Variants in DENND1A observed in about 807,000 individuals in gnomAD.
The protein encoded by DENND1A is DENN domain containing 1A.
Under a neutral mutation model 113.7 loss-of-function variants are expected in DENND1A, and 51 were observed. The observed-to-expected ratio is 0.45, with a 90% confidence interval of 0.36 to 0.57. DENND1A has a LOEUF of 0.57. Among genes scored for constraint, DENND1A ranks in the 20% least tolerant of loss-of-function variants. DENND1A has a pLI of 0.00. For missense variants in DENND1A, 1,258 were observed against 1,395.9 expected (o/e 0.90, Z 1.57); for synonymous variants, 565 against 570.8 (o/e 0.99, Z 0.14).
intron 13 of DENND1A, chr9:123,485,656 GCACACACACACACACACACACA>G (rs77062893): frequency 2.5e-4 from 35 of 141,242 alleles, no homozygotes; most frequent in African/African-American, 9.8e-4. Flanking sequence ...GCGCGCGCGC[GCACACACACACACACACACACA>G]CACACACACA....
At chr9:123,426,802 C>A (rs2045767722) in intron 19 of DENND1A, among the ~76,000 whole-genome samples, 1 of 152,186 alleles carries the variant, frequency 6.6e-6, no homozygotes, top group South Asian at 2.1e-4. Flanking sequence ...AGTGGGGACG[C>A]CTGGACCAGG....
At position 123,387,777 on chromosome 9, in the gene DENND1A, C is replaced by G. The variant is rs367855684; in HGVS notation, c.1713G>C (p.Pro571=). Residue 571 remains proline (P), a synonymous_variant, in exon 22 of 24, where the codon CCG becomes CCC. Coordinates refer to ENST00000394215, the MANE Select transcript of DENND1A (RefSeq NM_001352964.2). Reference sequence around the variant, plus strand: ...AAAAGCTCTCGGTGAAGCCAGAGCTCGGGCCCTCTTCCCGCTGGCATTCAT... The same window carrying G: ...AAAAGCTCTCGGTGAAGCCAGAGCTGGGGCCCTCTTCCCGCTGGCATTCAT... ...SDDECQREEG[P]SSGFTESFFF... 1 of 1,289,218 alleles carries G rather than the reference C, an allele frequency of 7.8e-7. No homozygotes were observed. Among genetic ancestry groups the G allele is most frequent in the African/African-American group, 1.5e-5 (1 of 65,678 alleles). 79.9% of individuals were successfully genotyped at this position (1,289,218 alleles called of 1,614,324 possible).
In DENND1A at chr9:123,865,660, GCTTAATT is replaced by G. The variant is rs1307054084; in HGVS notation, c.88+13284_88+13290del. ...AGAGAAACTCTGTGCCATGCCCTGT[GCTTAATT>G]CTTTAAATACTGTGTTTCTGAATCC... On this transcript the variant is annotated intron_variant, in intron 2 of 23. Coordinates refer to ENST00000394215, the MANE Select transcript of DENND1A (RefSeq NM_001352964.2). Among the ~76,000 whole-genome samples, 6 of 152,292 alleles carry G rather than the reference GCTTAATT, an allele frequency of 3.9e-5. No individual in the cohort carries two copies. In the East Asian group the frequency reaches 1.2e-3, roughly 29 times the overall value.
At chr9:123,607,229 T>C (rs1305389254) in intron 11 of DENND1A, among the ~76,000 whole-genome samples, 1 of 151,916 alleles carries the variant, frequency 6.6e-6, no homozygotes, top group Non-Finnish European at 1.5e-5. Context: ...GAGACCCTCA[T>C]GTTGTTTATC....
At chr9:123,700,356 C>T (rs998633613) in intron 5 of DENND1A, among the ~76,000 whole-genome samples, 2 of 152,294 alleles carry the variant, frequency 1.3e-5, no homozygotes, top group Middle Eastern at 3.4e-3. Context: ...GTATCAGTAA[C>T]AGTCCTCCAG....
intron 4 of DENND1A, 71 bp from the exon 5 acceptor site, chr9:123,757,893 T>C: frequency 6.4e-7 from 1 of 1,572,316 alleles, no homozygotes; most frequent in African/African-American, 1.4e-5. Flanking sequence ...CTAATCACAA[T>C]GAGTCGTTGA....
intron 3 of DENND1A, among the ~76,000 whole-genome samples, chr9:123,779,154 G>T (rs963591474): frequency 1.4e-4 from 22 of 152,046 alleles, no homozygotes; most frequent in Non-Finnish European, 2.6e-4. Context: ...TCAATTTGGG[G>T]TTTGTTTGGC....
intron 3 of DENND1A, among the ~76,000 whole-genome samples, chr9:123,783,594 C>A (rs1377388567): frequency 2.0e-5 from 3 of 152,208 alleles, no homozygotes; most frequent in Non-Finnish European, 4.4e-5. Flanking sequence ...AAGGTAGTTA[C>A]TATGACTATC....
At chr9:123,454,892 G>T in intron 15 of DENND1A, 113 bp from the exon 16 acceptor site, 2 of 954,104 alleles carry the variant, frequency 2.1e-6, no homozygotes, top group Non-Finnish European at 3.2e-6. Context: ...CTGTCTCCCA[G>T]ACTGGAGTGC....
chr9:123,646,095 G>A (rs1407665484), intron 9 of DENND1A, among the ~76,000 whole-genome samples: 1 of 152,132 alleles, frequency 6.6e-6, no homozygotes, highest in Non-Finnish European at 1.5e-5. Flanking sequence ...TAATAAACTG[G>A]ACAATAAAAT....
At chr9:123,910,459 A>G (rs190322604) in intron 1 of DENND1A, among the ~76,000 whole-genome samples, 7 of 152,380 alleles carry the variant, frequency 4.6e-5, no homozygotes, top group Non-Finnish European at 8.8e-5. Context: ...CATACATAAA[A>G]ATTCATATGA....
At chr9:123,387,640 A>G in intron 22 of DENND1A, 90 bp downstream of exon 22, 6 of 627,924 alleles carry the variant, frequency 9.6e-6, no homozygotes, top group African/African-American at 1.9e-5. Flanking sequence ...CCCGACACAA[A>G]GGCAAGCAGC....
At chr9:123,496,179 T>G (rs2051900082) in intron 13 of DENND1A, among the ~76,000 whole-genome samples, 1 of 152,252 alleles carries the variant, frequency 6.6e-6, no homozygotes, top group Non-Finnish European at 1.5e-5. Context: ...TGACTGTTTG[T>G]ACTCAGGGAT....
chr9:123,752,124 CT>C (rs1554734577), intron 5 of DENND1A, among the ~76,000 whole-genome samples: 6 of 149,964 alleles, frequency 4.0e-5, no homozygotes, highest in South Asian at 2.1e-4. Context: ...ACAAGAAATA[CT>C]TTTTTTTTTC....
At chr9:123,845,724 C>A (rs928831587) in intron 2 of DENND1A, among the ~76,000 whole-genome samples, 3 of 138,652 alleles carry the variant, frequency 2.2e-5, no homozygotes, top group Non-Finnish European at 4.7e-5. Flanking sequence ...GGATTATAGA[C>A]CCAAATGTAA....
chr9:123,639,702 G>A (rs922808384), intron 9 of DENND1A, among the ~76,000 whole-genome samples: 1 of 151,034 alleles, frequency 6.6e-6, no homozygotes, highest in Non-Finnish European at 1.5e-5. Flanking sequence ...ACTTGAACCC[G>A]GGAGGTAGAG....
At chr9:123,631,664 A>G (rs2061481333) in intron 9 of DENND1A, among the ~76,000 whole-genome samples, 1 of 152,158 alleles carries the variant, frequency 6.6e-6, no homozygotes, top group Non-Finnish European at 1.5e-5. Flanking sequence ...GTGAGAATTT[A>G]TTTTTTCCAC....
intron 20 of DENND1A, among the ~76,000 whole-genome samples, chr9:123,408,633 C>T (rs928547634): frequency 2.0e-5 from 3 of 152,146 alleles, no homozygotes; most frequent in African/African-American, 7.2e-5. Context: ...GGCATCCTGC[C>T]TCTTCAGCAT....
At chr9:123,683,840 A>T (rs1296170742) in intron 5 of DENND1A, among the ~76,000 whole-genome samples, 1 of 152,202 alleles carries the variant, frequency 6.6e-6, no homozygotes, top group Non-Finnish European at 1.5e-5. Flanking sequence ...GACGTAACTC[A>T]TCTCTATAGG....
Sources: gnomAD v4.1 joint callset for allele counts (sites outside exome capture counted in the v4.1 genomes callset) on GRCh38, gnomAD v4.1.1 for gene constraint, MANE v1.5 for transcripts, NCBI Gene and HGNC (gene_info 2026-07-23, HGNC 2026-07-21) for gene names.